The following RGS20 variants were observed in gnomAD, a reference collection of about 807,000 sequenced individuals.
RGS20 encodes the protein gz-selective GTPase-activating protein.
A neutral mutation model predicts 33.6 loss-of-function variants in RGS20; 30 were observed. The ratio of observed to expected loss-of-function variants is 0.89; its 90% CI spans 0.67 to 1.21. The LOEUF (loss-of-function observed/expected upper bound fraction) is 1.21. Ranked by LOEUF, RGS20 falls within the 50% of genes most tolerant of loss-of-function variation. The probability of loss-of-function intolerance (pLI) is 0.00; values close to 1 mark genes in which losing one functional copy is unlikely to be tolerated. For missense variants in RGS20, 472 were observed against 502.4 expected (o/e 0.94, Z 0.58); for synonymous variants, 208 against 197.9 (o/e 1.05, Z -0.43).
In RGS20 at chr8:53,933,052, G is replaced by A. The variant is rs533354861; in HGVS notation, c.511-6524G>A. On this transcript the variant is annotated intron_variant, in intron 2 of 5. Transcript: ENST00000297313. Reference sequence around the variant, plus strand: ...TTAGAAGGAAAGCTAACAAACGAAAGGAATAGCATCAACATCAACAAAAAG... The same window carrying A: ...TTAGAAGGAAAGCTAACAAACGAAAAGAATAGCATCAACATCAACAAAAAG... Among the ~76,000 whole-genome samples, 145 of 152,208 alleles carry A rather than the reference G, an allele frequency of 9.5e-4. 2 individuals carry two copies. The highest frequency in any genetic ancestry group is 5.3e-4 in the African/African-American group (22 of 41,526).
At chr8:53,928,469 T>C (rs1306205955) in intron 2 of RGS20, among the ~76,000 whole-genome samples, 1 of 152,206 alleles carries the variant, frequency 6.6e-6, no homozygotes, top group African/African-American at 2.4e-5. Flanking sequence ...GTCAAAATTA[T>C]AGTTCAGTAA....
chr8:53,948,115 A>T (rs1057171624), intron 4 of RGS20, among the ~76,000 whole-genome samples: 1 of 132,296 alleles, frequency 7.6e-6, no homozygotes, highest in Non-Finnish European at 1.5e-5. Flanking sequence ...GCTATATATA[A>T]GATGTAGTAT....
intron 2 of RGS20, among the ~76,000 whole-genome samples, chr8:53,937,286 TATA>T (rs1415594569): frequency 6.6e-6 from 1 of 151,534 alleles, no homozygotes; most frequent in African/African-American, 2.4e-5. Flanking sequence ...GAACTTAAAG[TATA>T]ATAATAAATA....
In RGS20 at chr8:53,877,097, T is replaced by A. The variant is rs569629088; in HGVS notation, c.166-2161T>A. Among the ~76,000 whole-genome samples the A allele has an allele frequency of 6.6e-6, 1 of 152,300 alleles. No homozygotes were observed. The highest frequency in any genetic ancestry group is 2.4e-5 in the African/African-American group (1 of 41,564). ...CAAATTCTGGGACCCACGAAAGGCTTTGGAGCTCGCTCGGGCTCCTCGAAG... is the reference window on the plus strand; with the variant it reads ...CAAATTCTGGGACCCACGAAAGGCTATGGAGCTCGCTCGGGCTCCTCGAAG... On this transcript the variant is annotated intron_variant, in intron 1 of 5. Coordinates refer to ENST00000297313, the MANE Select transcript of RGS20 (RefSeq NM_170587.4). The surrounding 1 kb of genome is among the most constrained non-coding windows in gnomAD (Gnocchi z 5.7).
chr8:53,852,154 C>T (rs1811581870), intron 1 of RGS20: 2 of 1,175,366 alleles, frequency 1.7e-6, no homozygotes, highest in South Asian at 2.1e-5. Flanking sequence ...AGCTTTAGTG[C>T]CATTGCTCAC....
chr8:53,867,181 C>T (rs1034244425), intron 1 of RGS20, among the ~76,000 whole-genome samples: 9 of 151,914 alleles, frequency 5.9e-5, no homozygotes, highest in Admixed American at 3.9e-4. Context: ...CTCAGGAGAG[C>T]GGCAGAGCCT....
At chr8:53,926,710 G>A (rs771983691) in intron 2 of RGS20, among the ~76,000 whole-genome samples, 6 of 152,000 alleles carry the variant, frequency 3.9e-5, no homozygotes, top group African/African-American at 1.2e-4. Context: ...TCAGGAATTC[G>A]ACACCAGCCT....
intron 1 of RGS20, among the ~76,000 whole-genome samples, chr8:53,866,958 G>A (rs1396652253): frequency 6.6e-6 from 1 of 152,234 alleles, no homozygotes; most frequent in Non-Finnish European, 1.5e-5. Flanking sequence ...GACTGATTAC[G>A]TATCAGAGAA....
intron 2 of RGS20, among the ~76,000 whole-genome samples, chr8:53,909,054 C>T (rs979601745): frequency 6.0e-5 from 9 of 150,650 alleles, no homozygotes; most frequent in African/African-American, 1.7e-4. Flanking sequence ...CATGAATTAT[C>T]ATATTTATTC....
chr8:53,861,886 A>G (rs1427925501), intron 1 of RGS20, among the ~76,000 whole-genome samples: 1 of 152,212 alleles, frequency 6.6e-6, no homozygotes, highest in Non-Finnish European at 1.5e-5. Flanking sequence ...AAGATCTCTA[A>G]GCTTCCCCTT....
chr8:53,943,602 A>T (rs1287123574), intron 3 of RGS20, among the ~76,000 whole-genome samples: 1 of 152,200 alleles, frequency 6.6e-6, no homozygotes, highest in African/African-American at 2.4e-5. Flanking sequence ...AGAAAACTTC[A>T]CAAAAAAAAA....
intron 2 of RGS20, among the ~76,000 whole-genome samples, chr8:53,924,075 T>C (rs1370774587): frequency 6.6e-6 from 1 of 152,010 alleles, no homozygotes; most frequent in Non-Finnish European, 1.5e-5. Context: ...CGGAGTGCAA[T>C]GGAATGATTA....
chr8:53,861,549 G>A (rs527862804), intron 1 of RGS20, among the ~76,000 whole-genome samples: 1 of 152,166 alleles, frequency 6.6e-6, no homozygotes, highest in African/African-American at 2.4e-5. Context: ...CTGCATTTCC[G>A]AATTCTGTAA....
intron 4 of RGS20, among the ~76,000 whole-genome samples, chr8:53,948,428 A>G (rs886972228): frequency 1.9e-4 from 26 of 140,106 alleles, no homozygotes; most frequent in Non-Finnish European, 6.1e-5. Flanking sequence ...TGCTATATAT[A>G]AGATACAGTA....
intron 2 of RGS20, among the ~76,000 whole-genome samples, chr8:53,932,021 G>A (rs896494125): frequency 9.2e-5 from 14 of 152,190 alleles, no homozygotes; most frequent in Non-Finnish European, 2.1e-4. Flanking sequence ...ATGAAGCATA[G>A]TTTGGCTGGA....
intron 4 of RGS20, among the ~76,000 whole-genome samples, chr8:53,948,264 T>A (rs1228854511): frequency 7.2e-6 from 1 of 139,582 alleles, no homozygotes; most frequent in Non-Finnish European, 1.5e-5. Flanking sequence ...ATATACTATA[T>A]GTAAGTTATA....
chr8:53,937,784 A>G (rs775010390), intron 2 of RGS20, among the ~76,000 whole-genome samples: 1 of 152,214 alleles, frequency 6.6e-6, no homozygotes, highest in Non-Finnish European at 1.5e-5. Context: ...CATGAAAAAA[A>G]GCTCATCATC....
At chr8:53,854,295 C>CAGCA (rs1337453054) in intron 1 of RGS20, among the ~76,000 whole-genome samples, 2 of 151,950 alleles carry the variant, frequency 1.3e-5, no homozygotes, top group Non-Finnish European at 2.9e-5. Flanking sequence ...GGGTAAAAGA[C>CAGCA]AGCATACAGA....
chr8:53,883,157 C>CT (rs572625682), intron 2 of RGS20, among the ~76,000 whole-genome samples: 171 of 143,176 alleles, frequency 1.2e-3, no homozygotes, highest in South Asian at 5.3e-3. Context: ...ATCTTTCTTT[C>CT]TTTTTTTTTT....
Sources: gnomAD v4.1 joint callset for allele counts (sites outside exome capture counted in the v4.1 genomes callset) on GRCh38, gnomAD v4.1.1 for gene constraint, Gnocchi (gnomAD v3.1) non-coding constraint, MANE v1.5 for transcripts, NCBI Gene and HGNC (gene_info 2026-07-23, HGNC 2026-07-21) for gene names.